SETBP1: variants seen among roughly 807,000 people sequenced by gnomAD.
SETBP1 encodes SET binding protein 1, also known as SET-binding protein.
SETBP1 carries 9 observed loss-of-function variants against 101.0 expected under a neutral mutation model. The observed-to-expected ratio is 0.09, with a 90% CI of 0.05 to 0.16. SETBP1 has a LOEUF of 0.16. SETBP1 is among the 10% of genes least tolerant of loss of function. The pLI is 1.00. For synonymous variants in SETBP1, 818 were observed against 788.5 expected (o/e 1.04, Z -0.63); for missense variants, 1,858 against 2,033.8 (o/e 0.91, Z 1.66).
At chr18:45,062,027 T>G (rs2073898262) in intron 5 of SETBP1, among the ~76,000 whole-genome samples, 2 of 152,230 alleles carry the variant, frequency 1.3e-5, no homozygotes, top group Non-Finnish European at 2.9e-5. Flanking sequence ...CCCATTTGTG[T>G]GTGTGTGTGT....
chr18:44,891,879 G>A (rs1288480899), intron 3 of SETBP1, among the ~76,000 whole-genome samples: 1 of 152,090 alleles, frequency 6.6e-6, no homozygotes, highest in South Asian at 2.1e-4. Context: ...AATAGGAACT[G>A]TAAAAGACAT....
chr18:44,769,940 A>G (rs2070838064), intron 2 of SETBP1, among the ~76,000 whole-genome samples: 1 of 152,182 alleles, frequency 6.6e-6, no homozygotes, highest in Non-Finnish European at 1.5e-5. Context: ...CACAAAGACA[A>G]TTCCAGAAAT....
Position 44,951,997 on chromosome 18 carries a change from C to T in SETBP1, c.2657C>T (p.Ser886Leu). 1 of 1,614,022 alleles carries T rather than the reference C, an allele frequency of 6.2e-7. No individual in the cohort carries two copies. The highest frequency in any genetic ancestry group is 8.5e-7 in the Non-Finnish European group (1 of 1,180,014). Residue 886 changes from serine (S) to leucine (L), a missense_variant, in exon 4 of 6, where the codon TCA (serine) becomes TTA (leucine). Transcript: ENST00000649279. This position sits in a 1 kb window ranked among gnomAD's most constrained non-coding sequence, Gnocchi z 7.8. Reference sequence around the variant, plus strand: ...ACTTCTGACCAAGCGGAGAAGAGCTCAGAATCCCGAAGGAGGTACTCTTTT... The same window carrying T: ...ACTTCTGACCAAGCGGAGAAGAGCTTAGAATCCCGAAGGAGGTACTCTTTT... The part of the protein sequence containing the change: ...NSTSDQAEKS[S>L]ESRRRYSFDF...
chr18:45,017,107 G>T (rs1251074313), intron 4 of SETBP1, among the ~76,000 whole-genome samples: 1 of 152,084 alleles, frequency 6.6e-6, no homozygotes, highest in African/African-American at 2.4e-5. Flanking sequence ...GCTGGCTATG[G>T]AGGCTTAATG....
chr18:45,013,608 T>G (rs1352036024), intron 4 of SETBP1, among the ~76,000 whole-genome samples: 3 of 152,056 alleles, frequency 2.0e-5, no homozygotes, highest in African/African-American at 7.2e-5. Flanking sequence ...CCCGACTAAC[T>G]TTTGTATTTT....
intron 4 of SETBP1, among the ~76,000 whole-genome samples, chr18:44,983,031 C>T (rs1031633425): frequency 6.6e-6 from 1 of 152,190 alleles, no homozygotes; most frequent in Non-Finnish European, 1.5e-5. Context: ...CCGAAAACCC[C>T]TGTCTAATAT....
At chr18:44,680,179 G>T (rs1353546825), upstream of SETBP1, 1 of 142,884 alleles carries the variant, frequency 7.0e-6, no homozygotes, top group Admixed American at 6.9e-5. Context: ...CGGGAAGCGC[G>T]GGGCCGGCCG....
At chr18:44,736,606 T>C (rs141433191) in intron 2 of SETBP1, among the ~76,000 whole-genome samples, 2 of 152,344 alleles carry the variant, frequency 1.3e-5, no homozygotes, top group African/African-American at 4.8e-5. Flanking sequence ...TACTTCACTC[T>C]TTCCATTTTT....
chr18:44,857,660 C>A (rs1482035213), intron 2 of SETBP1, among the ~76,000 whole-genome samples: 1 of 152,156 alleles, frequency 6.6e-6, no homozygotes, highest in Non-Finnish European at 1.5e-5. Flanking sequence ...GTGTTACATT[C>A]ATTTTGCTCA....
At chr18:44,958,331 C>G (rs1249362558) in intron 4 of SETBP1, among the ~76,000 whole-genome samples, 2 of 152,176 alleles carry the variant, frequency 1.3e-5, no homozygotes, top group Non-Finnish European at 2.9e-5. Context: ...TTAGCTCCAG[C>G]CATTTCACTT....
At chr18:44,839,474 G>A (rs34038580) in intron 2 of SETBP1, among the ~76,000 whole-genome samples, 51,752 of 142,476 alleles carry the variant, frequency 0.36, 8,867 homozygotes, top group South Asian at 0.45. Flanking sequence ...GAGCATCTCC[G>A]GACTCTCAGC....
chr18:44,895,576 C>G (rs1291825740), intron 3 of SETBP1, among the ~76,000 whole-genome samples: 1 of 152,072 alleles, frequency 6.6e-6, no homozygotes, highest in East Asian at 1.9e-4. Flanking sequence ...CGTACCATAG[C>G]AAGTTGTTGG....
intron 4 of SETBP1, among the ~76,000 whole-genome samples, chr18:44,982,928 A>G (rs569154655): frequency 3.3e-5 from 5 of 152,310 alleles, no homozygotes; most frequent in Non-Finnish European, 5.9e-5. Context: ...ACCAAGGCCT[A>G]GAACAATTAA....
chr18:44,925,654 C>G (rs148867840), intron 3 of SETBP1, among the ~76,000 whole-genome samples: 1 of 152,320 alleles, frequency 6.6e-6, no homozygotes, highest in East Asian at 1.9e-4. Flanking sequence ...TAATTTATCC[C>G]AGCATCTCAT....
At chr18:44,908,508 A>G (rs2070230324) in intron 3 of SETBP1, among the ~76,000 whole-genome samples, 1 of 152,224 alleles carries the variant, frequency 6.6e-6, no homozygotes, top group Non-Finnish European at 1.5e-5. Flanking sequence ...AGCAATAAGT[A>G]TCAGGGTTTA....
intron 4 of SETBP1, among the ~76,000 whole-genome samples, chr18:45,005,642 CCT>C (rs2072706962): frequency 7.0e-6 from 1 of 142,712 alleles, no homozygotes; most frequent in South Asian, 2.3e-4. Context: ...TTAAAATCTT[CCT>C]TTTTTTTTTT....
At chr18:45,017,221 G>T (rs1438438892) in intron 4 of SETBP1, among the ~76,000 whole-genome samples, 1 of 152,274 alleles carries the variant, frequency 6.6e-6, no homozygotes, top group East Asian at 1.9e-4. Context: ...CCAGGCCCAG[G>T]TGGTCTGGGC....
intron 2 of SETBP1, among the ~76,000 whole-genome samples, chr18:44,848,305 A>G (rs2072768280): frequency 6.6e-6 from 1 of 152,194 alleles, no homozygotes; most frequent in Non-Finnish European, 1.5e-5. Flanking sequence ...TATTATTACA[A>G]TTGATGGAAG....
chr18:45,017,765 A>G (rs1431221986), intron 4 of SETBP1, among the ~76,000 whole-genome samples: 1 of 152,240 alleles, frequency 6.6e-6, no homozygotes, highest in Non-Finnish European at 1.5e-5. Context: ...ATTACTCTCA[A>G]AAGCAAATCA....
Sources: gnomAD v4.1 joint callset for allele counts (sites outside exome capture counted in the v4.1 genomes callset) on GRCh38, gnomAD v4.1.1 for gene constraint, Gnocchi (gnomAD v3.1) non-coding constraint, MANE v1.5 for transcripts, NCBI Gene and HGNC (gene_info 2026-07-23, HGNC 2026-07-21) for gene names.